The following LRP1B variants were observed in gnomAD, a reference collection of about 807,000 sequenced individuals.
The protein encoded by LRP1B is low-density lipoprotein receptor-related protein 1B.
A neutral mutation model predicts 556.6 loss-of-function variants in LRP1B; 217 were observed. The ratio of observed to expected loss-of-function variants is 0.39; its 90% CI spans 0.35 to 0.44. The LOEUF (loss-of-function observed/expected upper bound fraction) is 0.44. Among genes scored for constraint, LRP1B ranks in the 20% least tolerant of loss-of-function variants. LRP1B has a pLI of 1.00. For synonymous variants in LRP1B, 2,047 were observed against 1,865.8 expected (o/e 1.10, Z -2.50); for missense variants, 5,053 against 5,620.8 (o/e 0.90, Z 3.23).
chr2:140,766,271 G>A (rs1689101785), intron 35 of LRP1B, among the ~76,000 whole-genome samples: 1 of 151,476 alleles, frequency 6.6e-6, no homozygotes, highest in Admixed American at 6.6e-5. Flanking sequence ...CTTTCTCTGA[G>A]GAACAATCCA....
At chr2:140,561,885 A>C (rs1246885959) in intron 43 of LRP1B, among the ~76,000 whole-genome samples, 3 of 152,114 alleles carry the variant, frequency 2.0e-5, no homozygotes, top group Admixed American at 6.6e-5. Flanking sequence ...TATAAAAAAT[A>C]ATACATGATT....
chr2:140,589,085 C>A (rs1206696850), intron 43 of LRP1B, among the ~76,000 whole-genome samples: 2 of 151,420 alleles, frequency 1.3e-5, no homozygotes, highest in Non-Finnish European at 2.9e-5. Flanking sequence ...AAATGTGAAA[C>A]TATAACATTT....
At chr2:140,244,949 C>T (rs760139450) in intron 87 of LRP1B, among the ~76,000 whole-genome samples, 1 of 151,312 alleles carries the variant, frequency 6.6e-6, no homozygotes, top group Non-Finnish European at 1.5e-5. Context: ...AAGTAATCCT[C>T]TTTCATGGGA....
intron 20 of LRP1B, among the ~76,000 whole-genome samples, chr2:140,943,825 A>G (rs1448005427): frequency 1.3e-5 from 2 of 152,092 alleles, no homozygotes; most frequent in South Asian, 2.1e-4. Context: ...AGACAGAAAG[A>G]TCTCAAATTA....
At chr2:141,369,865 G>A (rs1298467870) in intron 3 of LRP1B, among the ~76,000 whole-genome samples, 1 of 152,016 alleles carries the variant, frequency 6.6e-6, no homozygotes, top group Non-Finnish European at 1.5e-5. Context: ...ACATTATTTA[G>A]CTCCCACTTA....
At chr2:141,647,607 T>A (rs1367596094) in intron 2 of LRP1B, among the ~76,000 whole-genome samples, 1 of 152,154 alleles carries the variant, frequency 6.6e-6, no homozygotes, top group African/African-American at 2.4e-5. Context: ...TTTTACTTTA[T>A]ATTTGTTTTA....
At chr2:141,724,022 T>G (rs1692938986) in intron 2 of LRP1B, among the ~76,000 whole-genome samples, 1 of 151,886 alleles carries the variant, frequency 6.6e-6, no homozygotes, top group Non-Finnish European at 1.5e-5. Flanking sequence ...AGTTAAATGA[T>G]TACTGGAAAG....
intron 20 of LRP1B, among the ~76,000 whole-genome samples, chr2:140,945,841 A>G (rs1482922769): frequency 2.0e-5 from 3 of 152,206 alleles, no homozygotes; most frequent in Non-Finnish European, 4.4e-5. Context: ...CAATTGCAAC[A>G]AAAGATATTT....
chr2:140,466,519 C>T lies in LRP1B; in HGVS notation c.9625+8619G>A, dbSNP rs1518438. On this transcript the variant is annotated intron_variant, in intron 60 of 90. Coordinates refer to ENST00000389484, the MANE Select transcript of LRP1B (RefSeq NM_018557.3). ...ATAGAAACAGTTATCCTTTAAATGA[C>T]GAGCTGTAGTGAATATAATTGCTAG... 9.8e-3 allele frequency among the ~76,000 whole-genome samples: 1,483 copies of T among 152,074 alleles called. 68 individuals carry two copies. In the East Asian group the frequency reaches 0.11, roughly 11 times the overall value.
At chr2:141,483,493 G>A (rs1186177511) in intron 2 of LRP1B, among the ~76,000 whole-genome samples, 1 of 123,394 alleles carries the variant, frequency 8.1e-6, no homozygotes, top group Non-Finnish European at 1.8e-5. Context: ...TGGGATGGCT[G>A]GTTCAAATGG....
intron 7 of LRP1B, among the ~76,000 whole-genome samples, chr2:141,152,231 AG>A (rs1290603307): frequency 2.0e-5 from 3 of 152,012 alleles, no homozygotes; most frequent in Non-Finnish European, 4.4e-5. Context: ...TCGTCTTTAG[AG>A]TACAAATAAT....
intron 3 of LRP1B, among the ~76,000 whole-genome samples, chr2:141,268,181 A>C (rs1034337063): frequency 6.6e-6 from 1 of 152,210 alleles, no homozygotes; most frequent in Admixed American, 6.5e-5. Flanking sequence ...CTGTGTGTTA[A>C]ATGTAACAAC....
chr2:140,982,062 A>T, intron 18 of LRP1B, 98 bp downstream of exon 18: 1 of 914,148 alleles, frequency 1.1e-6, no homozygotes, highest in South Asian at 1.6e-5. Flanking sequence ...TTTTACCTGT[A>T]CTCATAAAGA....
rs959594429 is a variant in LRP1B at position 140,797,901 on chromosome 2, C to T, written c.5359+15756G>A. 3.9e-5 allele frequency among the ~76,000 whole-genome samples: 6 copies of T among 152,092 alleles called. No homozygotes were observed. In the East Asian group the frequency reaches 5.8e-4, roughly 15 times the overall value. Reference sequence around the variant, plus strand: ...TTTTCGCTTCCTTATGTGTTCTTCCCGCAGGTACCTGAATGACTCACTCCG... The same window carrying T: ...TTTTCGCTTCCTTATGTGTTCTTCCTGCAGGTACCTGAATGACTCACTCCG... On this transcript the variant is annotated intron_variant, in intron 32 of 90. Coordinates refer to ENST00000389484, the MANE Select transcript of LRP1B (RefSeq NM_018557.3).
intron 60 of LRP1B, among the ~76,000 whole-genome samples, chr2:140,465,158 C>T (rs1045094871): frequency 6.6e-6 from 1 of 152,072 alleles, no homozygotes; most frequent in African/African-American, 2.4e-5. Flanking sequence ...GGGGACCAGA[C>T]ACATCACATG....
At chr2:140,495,852 A>G (rs1239410136) in intron 55 of LRP1B, 104 bp from the exon 56 acceptor site, 3 of 867,396 alleles carry the variant, frequency 3.5e-6, no homozygotes, top group African/African-American at 3.3e-5. Flanking sequence ...GAAAATAGAT[A>G]AAGGCAAGTC....
chr2:140,811,707 CA>C (rs1410468303), intron 32 of LRP1B, among the ~76,000 whole-genome samples: 6 of 151,942 alleles, frequency 3.9e-5, no homozygotes, highest in Non-Finnish European at 8.8e-5. Flanking sequence ...AGACATAAGA[CA>C]AAATATTATT....
chr2:141,274,291 G>C (rs2105374381), intron 3 of LRP1B, among the ~76,000 whole-genome samples: 1 of 151,998 alleles, frequency 6.6e-6, no homozygotes, highest in Non-Finnish European at 1.5e-5. Flanking sequence ...AGCCAAAACT[G>C]GAAACAATTC....
At chr2:141,078,055 T>G (rs1699835336) in intron 7 of LRP1B, among the ~76,000 whole-genome samples, 1 of 152,000 alleles carries the variant, frequency 6.6e-6, no homozygotes, top group African/African-American at 2.4e-5. Context: ...GGTGAAGTTT[T>G]CTAACACAAC....
Sources: allele counts gnomAD v4.1 joint callset (sites outside exome capture counted in the v4.1 genomes callset), GRCh38; gene constraint gnomAD v4.1.1; transcripts MANE v1.5; gene names NCBI Gene and HGNC (gene_info 2026-07-23, HGNC 2026-07-21).